The following PLEKHD1 variants were observed in gnomAD, a reference collection of about 807,000 sequenced individuals.
PLEKHD1 encodes the protein pleckstrin homology and coiled-coil domain containing D1.
PLEKHD1 carries 51 observed loss-of-function variants against 69.2 expected under a neutral mutation model. That is an observed-to-expected ratio of 0.74 (90% CI 0.59 to 0.93). The LOEUF (loss-of-function observed/expected upper bound fraction) is 0.93, where lower values mean the gene tolerates loss of function less well. Ranked by LOEUF, PLEKHD1 falls within the 40% of genes least tolerant of loss-of-function variation. The pLI, the probability that PLEKHD1 is intolerant of heterozygous loss-of-function variation, is 0.00. For missense variants in PLEKHD1, 584 were observed against 641.0 expected, an observed-to-expected ratio of 0.91 and a Z score of 0.96; for synonymous variants, 236 against 244.7, an observed-to-expected ratio of 0.96 and a Z score of 0.33.
the PLEKHD1 span, among the ~76,000 whole-genome samples, chr14:69,472,451 C>A: frequency 5.3e-5 from 8 of 152,324 alleles, 1 homozygote; most frequent in East Asian, 1.2e-3. Context: ...TCCCCACCCC[C>A]ATGTTCTGTA....
chr14:69,517,510 C>T (rs370286604), intron 6 of PLEKHD1, among the ~76,000 whole-genome samples: 22 of 152,140 alleles, frequency 1.4e-4, no homozygotes, highest in South Asian at 8.3e-4. Flanking sequence ...TTGGATCTAG[C>T]GCAGACAGAG....
intron 6 of PLEKHD1, among the ~76,000 whole-genome samples, chr14:69,513,744 C>T (rs1421072802): frequency 1.3e-5 from 2 of 152,150 alleles, no homozygotes; most frequent in East Asian, 1.9e-4. Context: ...TTTCCTTCTC[C>T]CTGAGGACTT....
In PLEKHD1 at chr14:69,528,232, G is replaced by A. The variant is rs1883705206; in HGVS notation, c.1352-18G>A. Reference sequence around the variant, plus strand: ...AGGGAGCACTGTTCACAGGGCTGTTGGGCTCCTGTTTCCCCAGTGAAGCCG... The same window carrying A: ...AGGGAGCACTGTTCACAGGGCTGTTAGGCTCCTGTTTCCCCAGTGAAGCCG... On this transcript the variant is annotated intron_variant, in intron 12 of 12. Coordinates refer to ENST00000322564, the MANE Select transcript of PLEKHD1 (RefSeq NM_001161498.2). 1 of 1,551,330 alleles carries A rather than the reference G, an allele frequency of 6.4e-7. No individual in the cohort carries two copies. Among genetic ancestry groups the A allele is most frequent in the Non-Finnish European group, 8.7e-7 (1 of 1,146,896 alleles).
intron 1 of PLEKHD1, among the ~76,000 whole-genome samples, chr14:69,491,372 C>T (rs1476722084): frequency 7.9e-5 from 12 of 152,214 alleles, no homozygotes; most frequent in Non-Finnish European, 5.9e-5. Flanking sequence ...AGGCACCCCA[C>T]CTCGCTGTCA....
the PLEKHD1 span, among the ~76,000 whole-genome samples, chr14:69,478,427 G>T: frequency 6.6e-6 from 1 of 152,178 alleles, no homozygotes; most frequent in Non-Finnish European, 1.5e-5. Context: ...AATCTCCATA[G>T]CTGGCTTGGA....
chr14:69,479,857 C>G (rs1421071655), upstream of PLEKHD1, among the ~76,000 whole-genome samples: 1 of 152,114 alleles, frequency 6.6e-6, no homozygotes, highest in South Asian at 2.1e-4. Context: ...CCCAACCCCC[C>G]CGCCACACAC....
intron 6 of PLEKHD1, among the ~76,000 whole-genome samples, chr14:69,516,093 G>A (rs76119785): frequency 2.4e-4 from 37 of 152,176 alleles, no homozygotes; most frequent in African/African-American, 8.7e-4. Context: ...TCCACTTTGT[G>A]GATTACAGGA....
At position 69,522,293 on chromosome 14, in the gene PLEKHD1, G is replaced by T; in HGVS notation, c.566G>T (p.Arg189Leu). 6.4e-7 allele frequency: 1 copy of T among 1,551,450 alleles called. No homozygotes were observed. The highest frequency in any genetic ancestry group is 8.7e-7 in the Non-Finnish European group (1 of 1,146,844). ...CTCTGGTCTCTTCAGGAGCTTGAGC[G>T]CCTTAACCAGGTGCTGGAGGCCGAG... ...LQREQREELE[R>L]LNQVLEAEKQ... is the part of the protein sequence containing the mutation. Residue 189 changes from arginine (R) to leucine (L), a missense_variant, in exon 7 of 13, where the codon CGC becomes CTC. By Grantham distance (102) the Arg-to-Leu change is moderately radical (BLOSUM62 -2). Coordinates refer to ENST00000322564, the MANE Select transcript of PLEKHD1 (RefSeq NM_001161498.2).
At position 69,508,965 on chromosome 14, in the gene PLEKHD1, G is replaced by A. The variant is rs192474621; in HGVS notation, c.555+6086G>A. On this transcript the variant is annotated intron_variant, in intron 6 of 12. Transcript: ENST00000322564. The stretch of plus-strand genomic sequence containing the variant: ...TCACATTCTACATTCATGATAAACA[G>A]TTTGCTGTTTGATCATATAGCCGCC... 2.3e-3 allele frequency among the ~76,000 whole-genome samples: 355 copies of A among 152,302 alleles called. 1 individual carries two copies. The highest frequency in any genetic ancestry group is 8.2e-3 in the African/African-American group (342 of 41,570).
At chr14:69,499,333 G>A (rs1882970263) in intron 1 of PLEKHD1, among the ~76,000 whole-genome samples, 1 of 152,018 alleles carries the variant, frequency 6.6e-6, no homozygotes, top group South Asian at 2.1e-4. Flanking sequence ...GCACTTATTA[G>A]CAGGGGCCCT....
intron 6 of PLEKHD1, among the ~76,000 whole-genome samples, chr14:69,512,910 A>AG (rs987629856): frequency 5.9e-5 from 9 of 151,966 alleles, no homozygotes; most frequent in East Asian, 1.9e-4. Flanking sequence ...AAAAAAAAAA[A>AG]AGAGAGAGAG....
chr14:69,500,335 C>G (rs1458689037), intron 2 of PLEKHD1, 127 bp downstream of exon 2: 3 of 876,304 alleles, frequency 3.4e-6, no homozygotes, highest in Non-Finnish European at 3.5e-6. Flanking sequence ...AGCAAATCCT[C>G]TTGGGGCAAA....
chr14:69,493,034 T>G (rs1882810884), intron 1 of PLEKHD1, among the ~76,000 whole-genome samples: 1 of 152,236 alleles, frequency 6.6e-6, no homozygotes, highest in African/African-American at 2.4e-5. Flanking sequence ...CACAAAGTAC[T>G]GGGATTACAG....
intron 10 of PLEKHD1, 141 bp downstream of exon 10, chr14:69,526,970 GA>G (rs1883666152): frequency 7.6e-7 from 1 of 1,311,120 alleles, no homozygotes; most frequent in Middle Eastern, 2.7e-4. Context: ...GAGCCACCAC[GA>G]GGGGAAGCAG....
chr14:69,500,078 C>T, intron 1 of PLEKHD1, 37 bp from the exon 2 acceptor site: 1 of 1,438,076 alleles, frequency 7.0e-7, no homozygotes, highest in Non-Finnish European at 9.6e-7. Context: ...CACCCCTTCT[C>T]TCCTGGTTGC....
At chr14:69,521,956 A>C (rs1052387231) in intron 6 of PLEKHD1, among the ~76,000 whole-genome samples, 3 of 152,188 alleles carry the variant, frequency 2.0e-5, no homozygotes, top group Admixed American at 1.3e-4. Context: ...TGATGGTGGC[A>C]GTGACTGGAG....
intron 11 of PLEKHD1, 31 bp downstream of exon 11, chr14:69,527,363 G>C: frequency 1.3e-6 from 2 of 1,550,832 alleles, no homozygotes; most frequent in Non-Finnish European, 8.7e-7. Flanking sequence ...CTGGCCCCCA[G>C]CTTTGGCACT....
Position 69,524,250 on chromosome 14 carries a change from A to G in PLEKHD1, c.672A>G (p.Arg224=), listed in dbSNP as rs2139530558. Residue 224 remains arginine, a synonymous_variant, in exon 8 of 13, where the codon AGA becomes AGG. Transcript: ENST00000322564. ...ACAGGGAGCTGGAACTGACTGCAAG[A>G]TGCCTTAAGGGTGTAGAACAAGAGA... ...QIKRELELTA[R]CLKGVEQEKK... 1 of 1,551,590 alleles carries G rather than the reference A, an allele frequency of 6.4e-7. No homozygotes were observed. Among genetic ancestry groups the G allele is most frequent in the Admixed American group, 2.0e-5 (1 of 50,998 alleles).
intron 6 of PLEKHD1, among the ~76,000 whole-genome samples, chr14:69,504,195 G>A (rs1883100785): frequency 6.6e-6 from 1 of 152,222 alleles, no homozygotes; most frequent in Admixed American, 6.5e-5. Flanking sequence ...TTAGCATTAT[G>A]ATCGTATTAT....
Sources: gnomAD v4.1 joint callset for allele counts (sites outside exome capture counted in the v4.1 genomes callset) on GRCh38, gnomAD v4.1.1 for gene constraint, MANE v1.5 for transcripts, NCBI Gene and HGNC (gene_info 2026-07-23, HGNC 2026-07-21) for gene names.